Variants in MACROD2 observed in about 807,000 individuals in gnomAD.
MACROD2 encodes ADP-ribose glycohydrolase MACROD2.
A neutral mutation model predicts 70.4 loss-of-function variants in MACROD2; 36 were observed. The ratio of observed to expected loss-of-function variants is 0.51; its 90% CI spans 0.39 to 0.68. The LOEUF (loss-of-function observed/expected upper bound fraction) is 0.68, where lower values mean the gene tolerates loss of function less well. Among genes scored for constraint, MACROD2 ranks in the 30% least tolerant of loss-of-function variants. MACROD2 has a pLI of 0.00. For synonymous variants in MACROD2, 172 were observed against 178.8 expected (o/e 0.96, Z 0.30); for missense variants, 496 against 538.4 (o/e 0.92, Z 0.78).
intron 5 of MACROD2, among the ~76,000 whole-genome samples, chr20:15,174,825 G>A (rs1049892119): frequency 2.0e-5 from 3 of 152,088 alleles, no homozygotes; most frequent in African/African-American, 7.2e-5. Context: ...GTCTGTTCAT[G>A]TGCTTTGCCC....
intron 6 of MACROD2, among the ~76,000 whole-genome samples, chr20:15,319,097 G>T (rs1198837705): frequency 6.6e-6 from 1 of 152,106 alleles, no homozygotes; most frequent in Non-Finnish European, 1.5e-5. Flanking sequence ...GCTAGTGTTA[G>T]TAAACAAAGT....
At chr20:15,860,607 G>A (rs962292187) in intron 8 of MACROD2, among the ~76,000 whole-genome samples, 76 of 151,834 alleles carry the variant, frequency 5.0e-4, no homozygotes, top group African/African-American at 1.7e-3. Context: ...ATATATAAAA[G>A]TATAGAAAAT....
At position 15,085,481 on chromosome 20, in the gene MACROD2, A is replaced by C. The variant is rs939393086; in HGVS notation, c.419-144459A>C. ...CCCACAGAAGGAGAGAAAATATTTG[A>C]AAATGATATGTATGATAAGGGTCTC... On this transcript the variant is annotated intron_variant, in intron 5 of 17. Transcript: ENST00000684519. 2.0e-5 allele frequency among the ~76,000 whole-genome samples: 3 copies of C among 152,274 alleles called. No individual in the cohort carries two copies. In the East Asian group the frequency reaches 5.8e-4, roughly 29 times the overall value.
intron 8 of MACROD2, among the ~76,000 whole-genome samples, chr20:15,541,211 A>G (rs2146567561): frequency 6.6e-6 from 1 of 152,336 alleles, no homozygotes; most frequent in South Asian, 2.1e-4. Context: ...CTGGGACTGG[A>G]CTTAAACAAT....
intron 5 of MACROD2, among the ~76,000 whole-genome samples, chr20:14,753,470 A>G (rs2071901342): frequency 6.6e-6 from 1 of 152,132 alleles, no homozygotes; most frequent in East Asian, 1.9e-4. Context: ...ATAAAGGGAA[A>G]CTTTGAATTT....
At chr20:15,272,849 T>C (rs1488552843) in intron 6 of MACROD2, among the ~76,000 whole-genome samples, 1 of 152,196 alleles carries the variant, frequency 6.6e-6, no homozygotes, top group Non-Finnish European at 1.5e-5. Context: ...AGTCTACAGT[T>C]GCCAATCAAC....
intron 5 of MACROD2, among the ~76,000 whole-genome samples, chr20:15,091,151 A>C (rs543023364): frequency 5.3e-5 from 8 of 152,096 alleles, no homozygotes. Flanking sequence ...TACAGTACTA[A>C]CACCTAGTAA....
Position 15,986,769 on chromosome 20 carries a change from C to T in MACROD2, c.1028C>T (p.Thr343Ile), listed in dbSNP as rs745485530. Reference protein sequence around the residue: ...DSTKNEIKIETESQSSYMETE... With the variant: ...DSTKNEIKIEIESQSSYMETE... ...ACGAAGAATGAAATAAAAATTGAAA[C>T]AGAATCGCAGAGCTCATATATGGAA... Residue 343 changes from threonine to isoleucine, a missense_variant, in exon 14 of 18, where the codon ACA becomes ATA. Physicochemically the swap from Thr to Ile is moderately conservative, Grantham distance 89. Coordinates refer to ENST00000684519, the MANE Select transcript of MACROD2 (RefSeq NM_001351661.2). 3.1e-6 allele frequency: 5 copies of T among 1,613,130 alleles called. No homozygotes were observed. Among genetic ancestry groups the T allele is most frequent in the South Asian group, 1.1e-5 (1 of 91,036 alleles).
Position 13,995,538 on chromosome 20 carries a change from T to G in MACROD2, c.-226T>G. ...GTTGACAGGCTCTGAGGTGCTGCTG[T>G]GGCGGCGTCCGCGGGGCTGAGGCGG... On this transcript the variant is annotated 5_prime_UTR_variant, in exon 1 of 18. Coordinates refer to ENST00000684519, the MANE Select transcript of MACROD2 (RefSeq NM_001351661.2). This position sits in a 1 kb window ranked among gnomAD's most constrained non-coding sequence, Gnocchi z 4.3. 1.6e-6 allele frequency: 1 copy of G among 628,794 alleles called. No individual in the cohort carries two copies. Among genetic ancestry groups the G allele is most frequent in the Non-Finnish European group, 2.9e-6 (1 of 343,348 alleles). The allele number at this position is 628,794 out of a possible 1,614,324, so 39.0% of individuals were successfully genotyped here.
rs1004152222 is a variant in MACROD2, at chr20:14,130,922, TTTTTTTTG to T, written c.271+45202_271+45209del. On this transcript the variant is annotated intron_variant, in intron 3 of 17. Transcript: ENST00000684519. ...ATATAGAAAATTTAAAATAATTGTG[TTTTTTTTG>T]TTTTTTTTTTTTTTTCTTGAGACAG... Among the ~76,000 whole-genome samples, 7 of 116,040 alleles carry T rather than the reference TTTTTTTTG, an allele frequency of 6.0e-5. 1 individual carries two copies. Among genetic ancestry groups the T allele is most frequent in the African/African-American group, 2.7e-4 (6 of 21,898 alleles). The allele number at this position is 116,040 out of a possible 152,430, so 76.1% of individuals were successfully genotyped here. A position where few individuals can be genotyped will look rare whatever the true frequency, so the allele number is the denominator to read the frequency against.
chr20:14,834,983 A>G (rs1198559514), intron 5 of MACROD2, among the ~76,000 whole-genome samples: 1 of 151,974 alleles, frequency 6.6e-6, no homozygotes, highest in African/African-American at 2.4e-5. Context: ...ATATGTATAT[A>G]TGTTTGAGTG....
chr20:16,043,524 G>A (rs748877346), intron 16 of MACROD2, among the ~76,000 whole-genome samples: 15 of 152,072 alleles, frequency 9.9e-5, no homozygotes, highest in Non-Finnish European at 1.8e-4. Context: ...CTGACCCTTG[G>A]AAAATTTAGA....
At chr20:14,488,059 A>C (rs1468090382) in intron 3 of MACROD2, among the ~76,000 whole-genome samples, 1 of 152,210 alleles carries the variant, frequency 6.6e-6, no homozygotes, top group Non-Finnish European at 1.5e-5. Flanking sequence ...ATATGGGTAC[A>C]TGTTGAGGCT....
chr20:14,978,321 T>C (rs1424842408), intron 5 of MACROD2, among the ~76,000 whole-genome samples: 1 of 152,102 alleles, frequency 6.6e-6, no homozygotes, highest in East Asian at 1.9e-4. Context: ...GAAACTTCTA[T>C]TAAAGTGGCC....
chr20:14,468,520 G>A (rs560853058), intron 3 of MACROD2, among the ~76,000 whole-genome samples: 1 of 149,192 alleles, frequency 6.7e-6, no homozygotes, highest in African/African-American at 2.5e-5. Context: ...TTTTTTTGGG[G>A]GGGGGCGTTG....
intron 5 of MACROD2, among the ~76,000 whole-genome samples, chr20:14,769,624 G>C (rs550899990): frequency 6.6e-6 from 1 of 152,124 alleles, no homozygotes; most frequent in Admixed American, 6.5e-5. Context: ...ATGATTCAGG[G>C]TTCTAGATGA....
rs560338139 is a variant in MACROD2 at position 15,889,888 on chromosome 20, T to C, written c.775+4077T>C. Among the ~76,000 whole-genome samples, 44 of 152,220 alleles carry C rather than the reference T, an allele frequency of 2.9e-4. No homozygotes were observed. In the South Asian group the frequency reaches 8.9e-3, roughly 31 times the overall value. ...ACACAGGGCAAGCTAGAAAACATGA[T>C]ACATTGTCAAGGAGAAGCATGGGGG... On this transcript the variant is annotated intron_variant, in intron 10 of 17. Transcript: ENST00000684519.
At chr20:14,428,955 G>A (rs908755506) in intron 3 of MACROD2, among the ~76,000 whole-genome samples, 7 of 152,078 alleles carry the variant, frequency 4.6e-5, no homozygotes, top group African/African-American at 1.7e-4. Context: ...ACCCCTGAAG[G>A]GGAAGTCTAA....
intron 5 of MACROD2, among the ~76,000 whole-genome samples, chr20:15,078,308 C>T (rs959973961): frequency 6.6e-6 from 1 of 152,108 alleles, no homozygotes; most frequent in African/African-American, 2.4e-5. Flanking sequence ...CATAGTCCTC[C>T]ATTTCAGTTT....
Sources: allele counts gnomAD v4.1 joint callset (sites outside exome capture counted in the v4.1 genomes callset), GRCh38; gene constraint gnomAD v4.1.1; non-coding constraint Gnocchi (gnomAD v3.1); transcripts MANE v1.5; gene names NCBI Gene and HGNC (gene_info 2026-07-23, HGNC 2026-07-21).